PDGFC: variants seen among roughly 807,000 people sequenced by gnomAD.
The protein encoded by PDGFC is platelet derived growth factor C.
Under a neutral mutation model 35.5 loss-of-function variants are expected in PDGFC, and 12 were observed. That is an observed-to-expected ratio of 0.34 (90% CI 0.22 to 0.55). The LOEUF (loss-of-function observed/expected upper bound fraction) is 0.55, where lower values mean the gene tolerates loss of function less well. Among genes scored for constraint, PDGFC ranks in the 20% least tolerant of loss-of-function variants. PDGFC has a pLI of 0.91. For synonymous variants in PDGFC, 159 were observed against 148.8 expected (o/e 1.07, Z -0.50); for missense variants, 322 against 412.4 (o/e 0.78, Z 1.90).
At position 156,848,441 on chromosome 4, in the gene PDGFC, A is replaced by AG. The variant is rs200434357; in HGVS notation, c.314+1779dup. 3.4e-3 allele frequency among the ~76,000 whole-genome samples: 510 copies of AG among 152,120 alleles called. 18 individuals are homozygous for AG. The East Asian group carries it at 0.073, about 22-fold the overall frequency. On this transcript the variant is annotated intron_variant, in intron 2 of 5. Coordinates refer to ENST00000502773, the MANE Select transcript of PDGFC (RefSeq NM_016205.3). The stretch of plus-strand genomic sequence containing the variant: ...CAAAGTTTTATTGCTCTTTTGCACA[A>AG]GGAGAACTGGAAACAAGTCAAACGT...
intron 1 of PDGFC, among the ~76,000 whole-genome samples, chr4:156,957,429 T>C (rs1352768323): frequency 6.6e-6 from 1 of 151,966 alleles, no homozygotes; most frequent in African/African-American, 2.4e-5. Flanking sequence ...TTGGTCTTCA[T>C]TTTTTTCAGT....
chr4:156,789,516 G>T (rs1287462594), intron 3 of PDGFC, among the ~76,000 whole-genome samples: 1 of 152,060 alleles, frequency 6.6e-6, no homozygotes, highest in Non-Finnish European at 1.5e-5. Context: ...CTCAAGATCT[G>T]CACGTGTGCA....
chr4:156,953,651 G>A (rs984517189), intron 1 of PDGFC, among the ~76,000 whole-genome samples: 1 of 151,902 alleles, frequency 6.6e-6, no homozygotes, highest in Admixed American at 6.6e-5. Flanking sequence ...TACTTTCAAA[G>A]TTTCTATAAA....
chr4:156,917,236 TCTTTGGGGAAAA>T (rs1731173802), intron 1 of PDGFC, among the ~76,000 whole-genome samples: 2 of 152,226 alleles, frequency 1.3e-5, no homozygotes, highest in African/African-American at 4.8e-5. Flanking sequence ...ATTGAATGAT[TCTTTGGGGAAAA>T]ATATTACTAG....
At chr4:156,807,574 C>CA (rs1260067023) in intron 3 of PDGFC, among the ~76,000 whole-genome samples, 2 of 151,868 alleles carry the variant, frequency 1.3e-5, no homozygotes, top group Non-Finnish European at 2.9e-5. Flanking sequence ...AATCATCTTA[C>CA]AAGGGAGAAC....
At chr4:156,802,602 C>T (rs2110919479) in intron 3 of PDGFC, among the ~76,000 whole-genome samples, 1 of 151,524 alleles carries the variant, frequency 6.6e-6, no homozygotes, top group Admixed American at 6.6e-5. Flanking sequence ...TTTACATACA[C>T]AAAACATATA....
chr4:156,959,438 G>A (rs1043645026), intron 1 of PDGFC, among the ~76,000 whole-genome samples: 5 of 151,912 alleles, frequency 3.3e-5, no homozygotes, highest in Non-Finnish European at 7.4e-5. Context: ...CCATAAAGAA[G>A]TTATTACATC....
At chr4:156,866,302 C>A (rs1729840388) in intron 1 of PDGFC, among the ~76,000 whole-genome samples, 1 of 152,054 alleles carries the variant, frequency 6.6e-6, no homozygotes, top group African/African-American at 2.4e-5. Context: ...TTTTTTATGG[C>A]TGCATAGTAT....
intron 1 of PDGFC, chr4:156,886,873 A>G (rs1019407381): frequency 8.5e-5 from 13 of 152,238 alleles, no homozygotes; most frequent in African/African-American, 3.1e-4. Context: ...TGATGATGCC[A>G]CTGAGCCCTT....
intron 3 of PDGFC, among the ~76,000 whole-genome samples, chr4:156,787,502 G>A (rs942127766): frequency 4.6e-5 from 7 of 152,176 alleles, no homozygotes; most frequent in South Asian, 2.1e-4. Flanking sequence ...CATAACTGTC[G>A]TGAGCAGTTG....
At chr4:156,820,277 G>C in intron 2 of PDGFC, among the ~76,000 whole-genome samples, 1 of 152,192 alleles carries the variant, frequency 6.6e-6, no homozygotes, top group East Asian at 1.9e-4. Flanking sequence ...AAGTTCTACT[G>C]TGGGTAAAAG....
intron 2 of PDGFC, among the ~76,000 whole-genome samples, chr4:156,831,484 C>T (rs186738999): frequency 4.4e-4 from 62 of 139,430 alleles, no homozygotes; most frequent in South Asian, 2.4e-3. Flanking sequence ...TGCTCTATCG[C>T]GCAGGCTGGA....
rs533766077 is a variant in PDGFC, at chr4:156,943,057, G to A, written c.118+27729C>T. 8.5e-5 allele frequency among the ~76,000 whole-genome samples: 13 copies of A among 152,108 alleles called. No homozygotes were observed. In the South Asian group the frequency reaches 2.7e-3, roughly 32 times the overall value. On this transcript the variant is annotated intron_variant, in intron 1 of 5. Coordinates refer to ENST00000502773, the MANE Select transcript of PDGFC (RefSeq NM_016205.3). The stretch of plus-strand genomic sequence containing the variant: ...TCCCTCGAAAAAATCTGTGCTTGGT[G>A]CCCTATAGCCCAGGAACCTATGTAA...
At chr4:156,775,783 T>C (rs1198506962) in intron 3 of PDGFC, among the ~76,000 whole-genome samples, 3 of 152,332 alleles carry the variant, frequency 2.0e-5, no homozygotes, top group South Asian at 2.1e-4. Context: ...TGTTACTGTA[T>C]GTATAGATCA....
chr4:156,830,031 A>G (rs890411158), intron 2 of PDGFC, among the ~76,000 whole-genome samples: 1 of 152,208 alleles, frequency 6.6e-6, no homozygotes, highest in Non-Finnish European at 1.5e-5. Context: ...AATGTATCTG[A>G]AAAGCTGTGT....
At chr4:156,937,920 GA>G (rs1262414021) in intron 1 of PDGFC, among the ~76,000 whole-genome samples, 2 of 151,950 alleles carry the variant, frequency 1.3e-5, no homozygotes, top group Non-Finnish European at 2.9e-5. Context: ...AAATTACAGA[GA>G]AACAAAACCA....
At chr4:156,893,337 AT>A (rs11365318) in intron 1 of PDGFC, among the ~76,000 whole-genome samples, 80,392 of 147,442 alleles carry the variant, frequency 0.55, 24,585 homozygotes, top group Non-Finnish European at 0.68. Flanking sequence ...CTCTAACTAG[AT>A]TTTTTTTTTT....
At chr4:156,810,746 T>C in intron 3 of PDGFC, 91 bp downstream of exon 3, 4 of 837,958 alleles carry the variant, frequency 4.8e-6, no homozygotes, top group Admixed American at 2.7e-5. Context: ...TTTTCTGATT[T>C]TTTTTCTGAT....
At chr4:156,914,706 AG>A (rs906691365) in intron 1 of PDGFC, among the ~76,000 whole-genome samples, 1 of 152,164 alleles carries the variant, frequency 6.6e-6, no homozygotes, top group African/African-American at 2.4e-5. Context: ...TACATGACCC[AG>A]GGGAAGAAAT....
Sources: gnomAD v4.1 joint callset for allele counts (sites outside exome capture counted in the v4.1 genomes callset) on GRCh38, gnomAD v4.1.1 for gene constraint, MANE v1.5 for transcripts, NCBI Gene and HGNC (gene_info 2026-07-23, HGNC 2026-07-21) for gene names.